EPB41L4A: variants seen among roughly 807,000 people sequenced by gnomAD.
EPB41L4A encodes erythrocyte membrane protein band 4.1 like 4A, also known as band 4.1-like protein 4A.
Under a neutral mutation model 108.6 loss-of-function variants are expected in EPB41L4A, and 100 were observed. The observed-to-expected ratio is 0.92, with a 90% CI of 0.78 to 1.09. The LOEUF is 1.09. Ranked by LOEUF, EPB41L4A falls within the 50% of genes least tolerant of loss-of-function variation. The pLI is 0.00. For missense variants in EPB41L4A, 1,030 were observed against 842.7 expected, an observed-to-expected ratio of 1.22 and a Z score of -2.75; for synonymous variants, 319 against 289.0, an observed-to-expected ratio of 1.10 and a Z score of -1.05.
At chr5:112,409,341 TGGAA>T (rs1403512280) in intron 1 of EPB41L4A, among the ~76,000 whole-genome samples, 2 of 152,118 alleles carry the variant, frequency 1.3e-5, no homozygotes, top group African/African-American at 4.8e-5. Context: ...GATGGAAGGC[TGGAA>T]GGAAGTGAAG....
At chr5:112,408,394 G>A (rs1762207110) in intron 1 of EPB41L4A, among the ~76,000 whole-genome samples, 1 of 151,940 alleles carries the variant, frequency 6.6e-6, no homozygotes. Context: ...GGTATATAAG[G>A]AACCCTTCAG....
intron 1 of EPB41L4A, among the ~76,000 whole-genome samples, chr5:112,333,289 G>A (rs866142309): frequency 1.3e-5 from 2 of 151,862 alleles, no homozygotes; most frequent in Non-Finnish European, 1.5e-5. Flanking sequence ...ATTGGGGGGT[G>A]GGAGAGGGAG....
chr5:112,237,035 T>C (rs1428168036), intron 11 of EPB41L4A, among the ~76,000 whole-genome samples: 1 of 151,598 alleles, frequency 6.6e-6, no homozygotes, highest in Non-Finnish European at 1.5e-5. Context: ...CCCAGGGGAG[T>C]TTCTAAGCCT....
intron 1 of EPB41L4A, among the ~76,000 whole-genome samples, chr5:112,323,574 A>G (rs1273666617): frequency 2.6e-5 from 4 of 152,214 alleles, no homozygotes; most frequent in African/African-American, 9.7e-5. Flanking sequence ...CCCTCTACTC[A>G]GTCCCACAAA....
intron 1 of EPB41L4A, among the ~76,000 whole-genome samples, chr5:112,317,899 C>A (rs1755532575): frequency 1.3e-5 from 2 of 152,154 alleles, no homozygotes; most frequent in Non-Finnish European, 2.9e-5. Context: ...AACAAAAGTT[C>A]TTCCAGGTCC....
At chr5:112,297,397 T>C (rs1375591244) in intron 2 of EPB41L4A, among the ~76,000 whole-genome samples, 1 of 152,156 alleles carries the variant, frequency 6.6e-6, no homozygotes. Flanking sequence ...ATTAGTGATG[T>C]TGAGAGTTTT....
chr5:112,191,268 A>T (rs894347364), intron 17 of EPB41L4A, among the ~76,000 whole-genome samples: 1 of 152,198 alleles, frequency 6.6e-6, no homozygotes, highest in East Asian at 1.9e-4. Flanking sequence ...CGGTAGGATG[A>T]AGCCCTACAG....
chr5:112,270,908 T>C (rs1752221550), intron 4 of EPB41L4A, among the ~76,000 whole-genome samples: 1 of 152,218 alleles, frequency 6.6e-6, no homozygotes, highest in Non-Finnish European at 1.5e-5. Flanking sequence ...CTAAAAAATA[T>C]TATGAATGAG....
At chr5:112,359,245 G>C (rs1192025731) in intron 1 of EPB41L4A, among the ~76,000 whole-genome samples, 1 of 152,140 alleles carries the variant, frequency 6.6e-6, no homozygotes, top group Non-Finnish European at 1.5e-5. Context: ...GAGAATCCAG[G>C]GGTGTGTTTT....
intron 1 of EPB41L4A, among the ~76,000 whole-genome samples, chr5:112,339,678 C>T (rs1019049403): frequency 1.3e-4 from 19 of 151,600 alleles, no homozygotes; most frequent in African/African-American, 4.6e-4. Context: ...GGATTACAGG[C>T]ACACGTCACC....
At chr5:112,418,888 C>T (rs1373182888) in intron 1 of EPB41L4A, 53 bp downstream of exon 1, 12 of 1,445,838 alleles carry the variant, frequency 8.3e-6, no homozygotes, top group Non-Finnish European at 1.1e-5. Flanking sequence ...AGCGATGGAC[C>T]CCCGCACCCG....
chr5:112,214,778 C>T (rs1353341293), intron 12 of EPB41L4A, among the ~76,000 whole-genome samples: 1 of 150,900 alleles, frequency 6.6e-6, no homozygotes, highest in Non-Finnish European at 1.5e-5. Flanking sequence ...AAGGCAAAAA[C>T]AAAAGAAAAA....
intron 1 of EPB41L4A, among the ~76,000 whole-genome samples, chr5:112,368,798 C>A (rs888047093): frequency 4.6e-5 from 7 of 152,056 alleles, no homozygotes; most frequent in African/African-American, 1.7e-4. Context: ...TTCCTGCTCA[C>A]TCTCCTTTCT....
chr5:112,204,647 A>G, intron 14 of EPB41L4A, 159 bp from the exon 15 acceptor site: 1 of 493,042 alleles, frequency 2.0e-6, no homozygotes, highest in Non-Finnish European at 3.7e-6. Flanking sequence ...TTAAAAGAAA[A>G]GAGGTAAGAT....
chr5:112,389,059 T>C (rs189359412), intron 1 of EPB41L4A, among the ~76,000 whole-genome samples: 1 of 152,198 alleles, frequency 6.6e-6, no homozygotes, highest in East Asian at 1.9e-4. Context: ...AGAGGAATTG[T>C]TGGACGTGGA....
chr5:112,292,142 C>A (rs921976042), intron 2 of EPB41L4A, among the ~76,000 whole-genome samples: 1 of 152,158 alleles, frequency 6.6e-6, no homozygotes, highest in South Asian at 2.1e-4. Context: ...CTCCTTGAGA[C>A]CAGAGACCTT....
At chr5:112,405,985 A>C (rs1762050302) in intron 1 of EPB41L4A, among the ~76,000 whole-genome samples, 1 of 152,206 alleles carries the variant, frequency 6.6e-6, no homozygotes, top group Non-Finnish European at 1.5e-5. Flanking sequence ...CACAAATCCA[A>C]ACCTACAATT....
chr5:112,168,998 A>G lies in EPB41L4A; in HGVS notation c.1847T>C (p.Val616Ala). 1 of 1,611,602 alleles carries G rather than the reference A, an allele frequency of 6.2e-7. No homozygotes were observed. The highest frequency in any genetic ancestry group is 8.5e-7 in the Non-Finnish European group (1 of 1,177,708). Reference protein sequence around the residue: ...SDGERSVLSEVNSKTDLVPPL... With the variant: ...SDGERSVLSEANSKTDLVPPL... ...GTACTCTGGCCTGCCCACTTACTTCACTTCCGAGAGAACTGATCGCTCCCC... is the reference window on the plus strand; with the variant it reads ...GTACTCTGGCCTGCCCACTTACTTCGCTTCCGAGAGAACTGATCGCTCCCC... Residue 616 changes from valine to alanine, a missense_variant, in exon 21 of 23, where the codon GTG (valine) becomes GCG (alanine). Val to Ala is a moderately conservative substitution (Grantham distance 64, BLOSUM62 0). Coordinates refer to ENST00000261486, the MANE Select transcript of EPB41L4A (RefSeq NM_022140.5).
intron 12 of EPB41L4A, among the ~76,000 whole-genome samples, chr5:112,150,411 C>T (rs1759422396): frequency 1.3e-5 from 2 of 151,268 alleles, no homozygotes; most frequent in Admixed American, 6.6e-5. Context: ...AAAGAGGGTG[C>T]ATAACAAAAA....
Sources: allele counts gnomAD v4.1 joint callset (sites outside exome capture counted in the v4.1 genomes callset), GRCh38; gene constraint gnomAD v4.1.1; transcripts MANE v1.5; gene names NCBI Gene and HGNC (gene_info 2026-07-23, HGNC 2026-07-21).